FOXP1: variants seen among roughly 807,000 people sequenced by gnomAD.
The protein encoded by FOXP1 is forkhead box P1, also known as forkhead box protein P1.
Under a neutral mutation model 98.2 loss-of-function variants are expected in FOXP1, and 15 were observed. The observed-to-expected ratio is 0.15, with a 90% confidence interval of 0.10 to 0.24. FOXP1 has a LOEUF of 0.24. Ranked by LOEUF, FOXP1 falls within the 10% of genes least tolerant of loss-of-function variation. The pLI is 1.00. For synonymous variants in FOXP1, 371 were observed against 314.5 expected (o/e 1.18, Z -1.90); for missense variants, 633 against 848.5 (o/e 0.75, Z 3.15).
chr3:71,397,505 G>A (rs545130277), intron 3 of FOXP1, among the ~76,000 whole-genome samples: 25 of 152,354 alleles, frequency 1.6e-4, no homozygotes, highest in Non-Finnish European at 2.5e-4. Flanking sequence ...GCAATGCGAC[G>A]GGCCTTGGGG....
intron 5 of FOXP1, among the ~76,000 whole-genome samples, chr3:71,246,555 G>T (rs1236091354): frequency 5.9e-5 from 9 of 152,032 alleles, no homozygotes; most frequent in African/African-American, 2.2e-4. Context: ...TAAAACCCCT[G>T]CAACTCATGT....
At chr3:71,218,225 TGTAATAG>T (rs2065090290) in intron 5 of FOXP1, among the ~76,000 whole-genome samples, 1 of 152,212 alleles carries the variant, frequency 6.6e-6, no homozygotes, top group South Asian at 2.1e-4. Flanking sequence ...TAGAATATGA[TGTAATAG>T]GTCTCCATGT....
intron 3 of FOXP1, among the ~76,000 whole-genome samples, chr3:71,436,127 A>C (rs972616062): frequency 1.3e-5 from 2 of 151,854 alleles, no homozygotes; most frequent in Admixed American, 6.6e-5. Flanking sequence ...AGGAATTTCT[A>C]ATTATTCCTA....
chr3:71,279,919 C>A (rs951197585), intron 5 of FOXP1, among the ~76,000 whole-genome samples: 1 of 151,814 alleles, frequency 6.6e-6, no homozygotes, highest in African/African-American at 2.4e-5. Context: ...GTCAGGAGAT[C>A]GAGACTATCC....
At chr3:71,382,436 C>T (rs926513473) in intron 3 of FOXP1, among the ~76,000 whole-genome samples, 15 of 152,104 alleles carry the variant, frequency 9.9e-5, no homozygotes, top group South Asian at 2.1e-4. Flanking sequence ...GCTCCAGTGG[C>T]GGAAAACACA....
At chr3:71,490,498 T>TAA (rs1349575572) in intron 3 of FOXP1, among the ~76,000 whole-genome samples, 2 of 143,994 alleles carry the variant, frequency 1.4e-5, no homozygotes, top group Middle Eastern at 3.4e-3. Context: ...AACTCTGTCT[T>TAA]AAAAAAAAAA....
chr3:71,041,272 C>T, intron 11 of FOXP1, 56 bp downstream of exon 11: 1 of 1,448,056 alleles, frequency 6.9e-7, no homozygotes, highest in Non-Finnish European at 9.7e-7. Flanking sequence ...GGCAGGGCCA[C>T]CCACCCCTCT....
intron 4 of FOXP1, among the ~76,000 whole-genome samples, chr3:71,309,275 C>T (rs1011160144): frequency 2.0e-5 from 3 of 151,956 alleles, no homozygotes; most frequent in African/African-American, 4.8e-5. Flanking sequence ...AAAATATGGT[C>T]GAAATCACTG....
intron 19 of FOXP1, 53 bp from the exon 20 acceptor site, chr3:70,966,109 A>C: frequency 6.9e-7 from 1 of 1,454,452 alleles, no homozygotes; most frequent in Non-Finnish European, 9.7e-7. Context: ...TAAGACAAGG[A>C]AACTACTAAT....
chr3:71,514,091 G>C (rs529042793), intron 2 of FOXP1, among the ~76,000 whole-genome samples: 1 of 152,156 alleles, frequency 6.6e-6, no homozygotes, highest in Non-Finnish European at 1.5e-5. Context: ...ACAAAGGCAA[G>C]TCCTTTAATG....
At chr3:71,327,238 A>C (rs571816738) in intron 4 of FOXP1, among the ~76,000 whole-genome samples, 1 of 151,622 alleles carries the variant, frequency 6.6e-6, no homozygotes, top group East Asian at 1.9e-4. Flanking sequence ...TCAATGAGGG[A>C]AATGGCTGGG....
chr3:71,514,864 G>A (rs1345463017), intron 2 of FOXP1, among the ~76,000 whole-genome samples: 2 of 152,046 alleles, frequency 1.3e-5, no homozygotes, highest in Non-Finnish European at 2.9e-5. Context: ...ATCCTTTATC[G>A]CTCCTCTTCC....
chr3:71,541,685 T>C (rs2044833077), intron 2 of FOXP1, among the ~76,000 whole-genome samples: 1 of 151,576 alleles, frequency 6.6e-6, no homozygotes, highest in Non-Finnish European at 1.5e-5. Context: ...TCCGAGAGCA[T>C]TAAAAAAAAA....
chr3:71,583,438 C>A, intron 1 of FOXP1, 133 bp downstream of exon 1: 5 of 943,838 alleles, frequency 5.3e-6, no homozygotes, highest in Non-Finnish European at 6.3e-6. Flanking sequence ...TTTTTTTTTT[C>A]CATTTTTTTT....
At chr3:71,474,479 G>T (rs997535690) in intron 3 of FOXP1, among the ~76,000 whole-genome samples, 7 of 152,126 alleles carry the variant, frequency 4.6e-5, no homozygotes. Context: ...TAGAAGCCAG[G>T]CTGCACAGCA....
intron 12 of FOXP1, among the ~76,000 whole-genome samples, chr3:71,014,420 C>T (rs959369772): frequency 3.3e-5 from 5 of 152,154 alleles, no homozygotes; most frequent in Admixed American, 2.0e-4. Flanking sequence ...ATCAGAGAAA[C>T]GCAAATCAAA....
At chr3:71,316,723 T>C (rs2075101052) in intron 4 of FOXP1, among the ~76,000 whole-genome samples, 3 of 151,594 alleles carry the variant, frequency 2.0e-5, no homozygotes, top group South Asian at 2.1e-4. Context: ...AGTGGTGCGA[T>C]CTCAGCTCAC....
In FOXP1 at chr3:70,959,175, GCTAA is replaced by G; in HGVS notation, c.*68_*71del. 1 of 1,549,090 alleles carries G rather than the reference GCTAA, an allele frequency of 6.5e-7. No homozygotes were observed. The highest frequency in any genetic ancestry group is 8.9e-7 in the Non-Finnish European group (1 of 1,125,870). ...ACAACAAATGGAGAACAATTTCACT[GCTAA>G]CTTTTGACGTGTTTTTTTTTTTTTC... On this transcript the variant is annotated 3_prime_UTR_variant, in exon 21 of 21. Coordinates refer to ENST00000649528, the MANE Select transcript of FOXP1 (RefSeq NM_001349338.3).
chr3:71,104,979 C>T (rs2057302801), intron 7 of FOXP1, among the ~76,000 whole-genome samples: 1 of 151,932 alleles, frequency 6.6e-6, no homozygotes, highest in East Asian at 1.9e-4. Context: ...GTGAGGCCCC[C>T]AGTCTACACA....
Sources: allele counts gnomAD v4.1 joint callset (sites outside exome capture counted in the v4.1 genomes callset), GRCh38; gene constraint gnomAD v4.1.1; transcripts MANE v1.5; gene names NCBI Gene and HGNC (gene_info 2026-07-23, HGNC 2026-07-21).